The following KCNQ5 variants were observed in gnomAD, a reference collection of about 807,000 sequenced individuals.
KCNQ5 encodes potassium voltage-gated channel subfamily Q member 5, also known as potassium voltage-gated channel subfamily KQT member 5.
In KCNQ5, 30 loss-of-function variants were observed where a neutral mutation model predicts 98.2. The ratio of observed to expected loss-of-function variants is 0.31; its 90% CI spans 0.23 to 0.41. KCNQ5 has a LOEUF of 0.41. Among genes scored for constraint, KCNQ5 ranks in the 10% least tolerant of loss-of-function variants. The pLI is 1.00. For missense variants in KCNQ5, 835 were observed against 1,182.5 expected (o/e 0.71, Z 4.31); for synonymous variants, 458 against 449.4 (o/e 1.02, Z -0.24).
chr6:73,176,589 G>A (rs375185521), intron 11 of KCNQ5, among the ~76,000 whole-genome samples: 54 of 152,310 alleles, frequency 3.5e-4, no homozygotes, highest in African/African-American at 1.3e-3. Flanking sequence ...TGGGAAGAGA[G>A]AACTATTATT....
At chr6:72,948,767 G>A (rs1766662482) in intron 1 of KCNQ5, among the ~76,000 whole-genome samples, 1 of 152,050 alleles carries the variant, frequency 6.6e-6, no homozygotes, top group Admixed American at 6.6e-5. Flanking sequence ...GCCTGAAAGA[G>A]CTTGAATTTT....
intron 1 of KCNQ5, among the ~76,000 whole-genome samples, chr6:72,976,339 C>G (rs1196010262): frequency 6.6e-6 from 1 of 152,162 alleles, no homozygotes; most frequent in Non-Finnish European, 1.5e-5. Context: ...GTGTTTTCAA[C>G]CTTTGTCATA....
At chr6:72,899,065 T>C (rs1044407919) in intron 1 of KCNQ5, among the ~76,000 whole-genome samples, 6 of 152,240 alleles carry the variant, frequency 3.9e-5, no homozygotes, top group African/African-American at 1.4e-4. Flanking sequence ...CCTTATAAAT[T>C]CTGTATATTA....
chr6:72,941,547 CCTTCTTCCCTCCCTCCTTCCTTCCTCCT>C (rs1245138175), intron 1 of KCNQ5, among the ~76,000 whole-genome samples: 42 of 122,580 alleles, frequency 3.4e-4, no homozygotes, highest in Admixed American at 1.3e-3. Context: ...TCCTTCCTTT[CCTTCTTCCCTCCCTCCTTCCTTCCTCCT>C]TCCCTCCCTC....
chr6:72,944,853 C>T (rs1766463448), intron 1 of KCNQ5, among the ~76,000 whole-genome samples: 1 of 152,188 alleles, frequency 6.6e-6, no homozygotes, highest in African/African-American at 2.4e-5. Flanking sequence ...ATGTTTTTCT[C>T]CACTGGAACA....
At chr6:72,734,586 T>C (rs1770729833) in intron 1 of KCNQ5, among the ~76,000 whole-genome samples, 1 of 152,196 alleles carries the variant, frequency 6.6e-6, no homozygotes, top group African/African-American at 2.4e-5. Context: ...GAGACTTTTA[T>C]TTGTGCTGTG....
chr6:72,985,812 T>C (rs1475744898), intron 1 of KCNQ5, among the ~76,000 whole-genome samples: 2 of 152,176 alleles, frequency 1.3e-5, no homozygotes, highest in Non-Finnish European at 2.9e-5. Flanking sequence ...TTACTGGCTA[T>C]ATACCCAAAG....
intron 2 of KCNQ5, among the ~76,000 whole-genome samples, chr6:73,017,632 T>C (rs996032431): frequency 6.6e-6 from 1 of 152,138 alleles, no homozygotes; most frequent in African/African-American, 2.4e-5. Context: ...CTGGATTCAA[T>C]GAAAACGCTG....
chr6:72,909,731 T>C (rs1779848658), intron 1 of KCNQ5, among the ~76,000 whole-genome samples: 1 of 152,198 alleles, frequency 6.6e-6, no homozygotes, highest in African/African-American at 2.4e-5. Flanking sequence ...CTTCCTAATA[T>C]AGAAGACAGA....
At chr6:72,726,633 G>A (rs777673151) in intron 1 of KCNQ5, among the ~76,000 whole-genome samples, 1 of 152,124 alleles carries the variant, frequency 6.6e-6, no homozygotes, top group Non-Finnish European at 1.5e-5. Context: ...TGCCAGTGCA[G>A]GCATGGCAAA....
At chr6:72,778,401 G>C (rs1773270794) in intron 1 of KCNQ5, among the ~76,000 whole-genome samples, 2 of 152,000 alleles carry the variant, frequency 1.3e-5, no homozygotes, top group Non-Finnish European at 2.9e-5. Flanking sequence ...AGCCGGGCAT[G>C]GTGGCACTTA....
chr6:73,133,057 T>C (rs1211305556), intron 9 of KCNQ5, among the ~76,000 whole-genome samples: 1 of 152,220 alleles, frequency 6.6e-6, no homozygotes, highest in Non-Finnish European at 1.5e-5. Context: ...AAAAATAATT[T>C]TTTAAATCTC....
chr6:73,097,185 T>C (rs943102376), intron 5 of KCNQ5, among the ~76,000 whole-genome samples: 8 of 60,298 alleles, frequency 1.3e-4, no homozygotes, highest in Non-Finnish European at 4.4e-4. Flanking sequence ...ATATTGTTCC[T>C]GTTTAACTGA....
chr6:73,059,796 A>T (rs1772698549), intron 3 of KCNQ5, among the ~76,000 whole-genome samples: 1 of 152,140 alleles, frequency 6.6e-6, no homozygotes, highest in Non-Finnish European at 1.5e-5. Context: ...GCAGTTCTTC[A>T]TACTGTGATA....
intron 10 of KCNQ5, among the ~76,000 whole-genome samples, chr6:73,145,898 C>A (rs146727468): frequency 6.6e-6 from 1 of 152,100 alleles, no homozygotes; most frequent in Non-Finnish European, 1.5e-5. Flanking sequence ...GGGAAGGAAG[C>A]GTGTCTTTAC....
chr6:73,033,737 C>A (rs1287673626), intron 2 of KCNQ5, among the ~76,000 whole-genome samples: 1 of 151,742 alleles, frequency 6.6e-6, no homozygotes, highest in African/African-American at 2.4e-5. Context: ...CCCATACCCA[C>A]CCCCGAAGCA....
intron 10 of KCNQ5, chr6:73,135,202 AT>A (rs1229927529): frequency 1.3e-5 from 2 of 151,754 alleles, no homozygotes; most frequent in Non-Finnish European, 2.9e-5. Flanking sequence ...TAACAAAAAA[AT>A]CATTCCATTT....
intron 10 of KCNQ5, among the ~76,000 whole-genome samples, chr6:73,155,215 G>T (rs1284319592): frequency 6.6e-6 from 1 of 152,168 alleles, no homozygotes; most frequent in African/African-American, 2.4e-5. Flanking sequence ...GAAATTGCTA[G>T]ACTACAAAAT....
intron 3 of KCNQ5, among the ~76,000 whole-genome samples, chr6:73,067,948 C>T (rs778799794): frequency 2.0e-5 from 3 of 150,584 alleles, no homozygotes; most frequent in Non-Finnish European, 2.9e-5. Context: ...AGATAATCAC[C>T]ATTAATATGC....
Sources: allele counts gnomAD v4.1 joint callset (sites outside exome capture counted in the v4.1 genomes callset), GRCh38; gene constraint gnomAD v4.1.1; transcripts MANE v1.5; gene names NCBI Gene and HGNC (gene_info 2026-07-23, HGNC 2026-07-21).